Variants in HS3ST4 observed in about 807,000 individuals in gnomAD.
HS3ST4 encodes heparan sulfate-glucosamine 3-sulfotransferase 4.
Under a neutral mutation model 29.2 loss-of-function variants are expected in HS3ST4, and 17 were observed. The ratio of observed to expected loss-of-function variants is 0.58; its 90% CI spans 0.40 to 0.87. The LOEUF (loss-of-function observed/expected upper bound fraction) is 0.87, where lower values mean the gene tolerates loss of function less well. HS3ST4 is among the 40% of genes least tolerant of loss of function. HS3ST4 has a pLI of 0.00. For missense variants in HS3ST4, 627 were observed against 634.5 expected (o/e 0.99, Z 0.13); for synonymous variants, 314 against 285.7 (o/e 1.10, Z -1.00).
chr16:26,010,117 G>T (rs879486907), intron 1 of HS3ST4, among the ~76,000 whole-genome samples: 15 of 152,198 alleles, frequency 9.9e-5, no homozygotes, highest in Non-Finnish European at 1.6e-4. Flanking sequence ...AGACTAGAAT[G>T]GGTGTGGGCT....
chr16:25,922,394 TAA>T, intron 1 of HS3ST4, among the ~76,000 whole-genome samples: 1 of 152,306 alleles, frequency 6.6e-6, no homozygotes, highest in South Asian at 2.1e-4. Flanking sequence ...TGTGAACCAG[TAA>T]ATAGATCCTC....
intron 1 of HS3ST4, among the ~76,000 whole-genome samples, chr16:25,701,032 G>A (rs1190233065): frequency 6.6e-6 from 1 of 152,130 alleles, no homozygotes; most frequent in Admixed American, 6.5e-5. Context: ...GAGAAGTCTG[G>A]GGATAACTTG....
intron 1 of HS3ST4, among the ~76,000 whole-genome samples, chr16:25,916,305 C>T (rs1968291876): frequency 6.6e-6 from 1 of 152,146 alleles, no homozygotes; most frequent in Non-Finnish European, 1.5e-5. Context: ...GATTTCCCAC[C>T]CAGAAATTTA....
chr16:25,778,611 G>A (rs1462295395), intron 1 of HS3ST4, among the ~76,000 whole-genome samples: 1 of 152,192 alleles, frequency 6.6e-6, no homozygotes, highest in Non-Finnish European at 1.5e-5. Context: ...ATTTTGAATA[G>A]AGCAGCTGAC....
At chr16:26,105,870 T>A (rs77529660) in intron 1 of HS3ST4, among the ~76,000 whole-genome samples, 1 of 152,376 alleles carries the variant, frequency 6.6e-6, no homozygotes, top group East Asian at 1.9e-4. Context: ...TGTTTCACTG[T>A]ATATAGTCTG....
intron 1 of HS3ST4, among the ~76,000 whole-genome samples, chr16:25,728,217 G>A (rs1451064455): frequency 6.6e-6 from 1 of 152,120 alleles, no homozygotes; most frequent in Non-Finnish European, 1.5e-5. Context: ...GGCCAGGATG[G>A]TCTCGATCTC....
intron 1 of HS3ST4, among the ~76,000 whole-genome samples, chr16:25,795,814 G>A (rs1966883135): frequency 6.6e-6 from 1 of 152,100 alleles, no homozygotes; most frequent in Non-Finnish European, 1.5e-5. Flanking sequence ...TCTTTTGTTC[G>A]AGTCCAATCC....
chr16:25,821,661 T>G lies in HS3ST4; in HGVS notation c.734+128510T>G, dbSNP rs576613981. ...GGCTTTCGCTGCTGGGCACGGTGGC[T>G]CACACCTGTAATCCTAGCACTTTGG... is the stretch of plus-strand genomic sequence containing the variant. On this transcript the variant is annotated intron_variant, in intron 1 of 1. Transcript: ENST00000331351. Among the ~76,000 whole-genome samples, 4 of 152,308 alleles carry G rather than the reference T, an allele frequency of 2.6e-5. No homozygotes were observed. In the South Asian group the frequency reaches 8.3e-4, roughly 32 times the overall value.
In HS3ST4 at chr16:25,904,239, A is replaced by G. The variant is rs1252906354; in HGVS notation, c.734+211088A>G. Among the ~76,000 whole-genome samples the G allele has an allele frequency of 2.6e-5, 4 of 151,566 alleles. No individual in the cohort carries two copies. In the South Asian group the frequency reaches 6.3e-4, roughly 24 times the overall value. On this transcript the variant is annotated intron_variant, in intron 1 of 1. Coordinates refer to ENST00000331351, the MANE Select transcript of HS3ST4 (RefSeq NM_006040.3). ...GGACGGATGGATGGATGAATGGATG[A>G]ATGGATGGATGGAAGAATGGATGGA...
intron 1 of HS3ST4, among the ~76,000 whole-genome samples, chr16:26,106,332 C>T (rs1259249911): frequency 3.9e-5 from 6 of 152,322 alleles, no homozygotes; most frequent in Admixed American, 6.5e-5. Context: ...CACCCTACTC[C>T]GTACGGCCCA....
chr16:25,984,008 A>T (rs922329582), intron 1 of HS3ST4, among the ~76,000 whole-genome samples: 2 of 152,152 alleles, frequency 1.3e-5, no homozygotes, highest in African/African-American at 4.8e-5. Context: ...TGATACATAC[A>T]ATGTACCAGA....
chr16:25,700,902 G>A (rs747543834), intron 1 of HS3ST4, among the ~76,000 whole-genome samples: 78 of 152,038 alleles, frequency 5.1e-4, no homozygotes, highest in Non-Finnish European at 8.7e-4. Flanking sequence ...CCTTATTTAA[G>A]AATATACAAG....
chr16:25,837,117 T>A (rs1255891688), intron 1 of HS3ST4, among the ~76,000 whole-genome samples: 1 of 152,182 alleles, frequency 6.6e-6, no homozygotes, highest in Admixed American at 6.5e-5. Context: ...CGATGGCAGA[T>A]CCCCTTCTCC....
intron 1 of HS3ST4, among the ~76,000 whole-genome samples, chr16:25,900,500 T>G (rs1220505887): frequency 6.6e-6 from 1 of 152,202 alleles, no homozygotes; most frequent in Non-Finnish European, 1.5e-5. Context: ...GAATTTACAT[T>G]CTTGAGCTTT....
Position 25,979,195 on chromosome 16 carries a change from C to T in HS3ST4, c.735-156417C>T, listed in dbSNP as rs139852877. On this transcript the variant is annotated intron_variant, in intron 1 of 1. Coordinates refer to ENST00000331351, the MANE Select transcript of HS3ST4 (RefSeq NM_006040.3). ...ACAGACATGAGCCACTGCGTCTGGC[C>T]GACTTGTTCTCTCTCTTAAGCTCTT... 4.8e-3 allele frequency among the ~76,000 whole-genome samples: 730 copies of T among 152,240 alleles called. 10 individuals are homozygous for T. Among genetic ancestry groups the T allele is most frequent in the African/African-American group, 0.017 (694 of 41,546 alleles).
intron 1 of HS3ST4, among the ~76,000 whole-genome samples, chr16:25,950,545 T>C (rs1968672829): frequency 1.3e-5 from 2 of 152,140 alleles, no homozygotes; most frequent in African/African-American, 4.8e-5. Context: ...GCTTGTTTAA[T>C]GCCATACAGA....
At chr16:25,827,990 T>A (rs1271302245) in intron 1 of HS3ST4, among the ~76,000 whole-genome samples, 1 of 152,004 alleles carries the variant, frequency 6.6e-6, no homozygotes, top group Non-Finnish European at 1.5e-5. Context: ...TCTTTTTTTT[T>A]AACTTCTATT....
chr16:25,915,063 A>T (rs1968278941), intron 1 of HS3ST4, among the ~76,000 whole-genome samples: 1 of 152,068 alleles, frequency 6.6e-6, no homozygotes, highest in African/African-American at 2.4e-5. Flanking sequence ...AGTGGCATTC[A>T]CTCAGGTCCC....
At chr16:25,868,838 A>G (rs1017298393) in intron 1 of HS3ST4, among the ~76,000 whole-genome samples, 5 of 152,176 alleles carry the variant, frequency 3.3e-5, no homozygotes, top group African/African-American at 1.2e-4. Context: ...TCTTCTCTGT[A>G]AGAGAAAACC....
Sources: allele counts gnomAD v4.1 joint callset (sites outside exome capture counted in the v4.1 genomes callset), GRCh38; gene constraint gnomAD v4.1.1; transcripts MANE v1.5; gene names NCBI Gene and HGNC (gene_info 2026-07-23, HGNC 2026-07-21).